Variants in ANKFN1 observed in about 807,000 individuals in gnomAD.
ANKFN1 encodes ankyrin repeat and fibronectin type III domain containing 1.
A neutral mutation model predicts 108.7 loss-of-function variants in ANKFN1; 74 were observed. The ratio of observed to expected loss-of-function variants is 0.68; its 90% CI spans 0.56 to 0.83. ANKFN1 has a LOEUF of 0.83. Ranked by LOEUF, ANKFN1 falls within the 40% of genes least tolerant of loss-of-function variation. The probability of loss-of-function intolerance (pLI) is 0.00; values close to 1 mark genes in which losing one functional copy is unlikely to be tolerated. For synonymous variants in ANKFN1, 547 were observed against 516.2 expected, an observed-to-expected ratio of 1.06 and a Z score of -0.81; for missense variants, 1,505 against 1,382.3, an observed-to-expected ratio of 1.09 and a Z score of -1.41.
chr17:56,508,868 C>A (rs1314677758), intron 20 of ANKFN1, among the ~76,000 whole-genome samples: 2 of 152,132 alleles, frequency 1.3e-5, no homozygotes, highest in African/African-American at 4.8e-5. Context: ...ACTCAAGCAC[C>A]AAGTACAGTG....
At chr17:56,105,711 C>CTGTGTGTGTGTGTGTG (rs147924842) in intron 4 of ANKFN1, among the ~76,000 whole-genome samples, 8 of 144,662 alleles carry the variant, frequency 5.5e-5, no homozygotes, top group African/African-American at 1.8e-4. Flanking sequence ...GTTTTTTTGT[C>CTGTGTGTGTGTGTGTG]TGTGTGTGTG....
At chr17:56,363,493 C>T (rs2046580018) in intron 6 of ANKFN1, among the ~76,000 whole-genome samples, 1 of 152,118 alleles carries the variant, frequency 6.6e-6, no homozygotes, top group African/African-American at 2.4e-5. Flanking sequence ...TTAGCACAGC[C>T]ATTATGAAAA....
At chr17:56,496,998 AT>A (rs1408093126) in intron 19 of ANKFN1, among the ~76,000 whole-genome samples, 1 of 152,128 alleles carries the variant, frequency 6.6e-6, no homozygotes, top group African/African-American at 2.4e-5. Context: ...TTAAACAGTC[AT>A]TTTTTGAGTA....
At chr17:56,196,098 C>A (rs143270929) in intron 1 of ANKFN1, among the ~76,000 whole-genome samples, 1,763 of 152,218 alleles carry the variant, frequency 0.012, 17 homozygotes, top group Middle Eastern at 0.024. Flanking sequence ...AAAACCACAT[C>A]TCTGCAAAAC....
chr17:56,440,789 A>T (rs949846907), intron 9 of ANKFN1, among the ~76,000 whole-genome samples: 9 of 152,046 alleles, frequency 5.9e-5, no homozygotes, highest in African/African-American at 2.2e-4. Context: ...TAACAGCTTC[A>T]TCTCACCCTC....
chr17:56,508,347 C>T (rs779046904), intron 20 of ANKFN1, among the ~76,000 whole-genome samples: 1 of 152,196 alleles, frequency 6.6e-6, no homozygotes, highest in African/African-American at 2.4e-5. Context: ...TTCCACCCTA[C>T]CTTTTTAAAA....
intron 8 of ANKFN1, among the ~76,000 whole-genome samples, chr17:56,424,412 T>C (rs1458462756): frequency 6.6e-6 from 1 of 152,208 alleles, no homozygotes; most frequent in Non-Finnish European, 1.5e-5. Flanking sequence ...CAGTGTGTGC[T>C]CTCAGTCTGG....
chr17:56,152,222 A>G, upstream of ANKFN1, among the ~76,000 whole-genome samples: 1 of 150,776 alleles, frequency 6.6e-6, no homozygotes, highest in East Asian at 2.0e-4. Flanking sequence ...GAGTAATATA[A>G]GAAGCTCACC....
intron 16 of ANKFN1, among the ~76,000 whole-genome samples, chr17:56,479,958 C>A (rs181038185): frequency 6.6e-6 from 1 of 152,368 alleles, no homozygotes; most frequent in East Asian, 1.9e-4. Context: ...TTTTGAAGAG[C>A]AGCCTTTGGG....
At chr17:56,301,848 G>A (rs537471045) in intron 3 of ANKFN1, among the ~76,000 whole-genome samples, 1 of 152,324 alleles carries the variant, frequency 6.6e-6, no homozygotes, top group East Asian at 1.9e-4. Flanking sequence ...CAACTGACAG[G>A]AAGTAGCCAG....
chr17:56,468,151 A>G (rs1268337527), intron 15 of ANKFN1, among the ~76,000 whole-genome samples: 1 of 152,226 alleles, frequency 6.6e-6, no homozygotes, highest in African/African-American at 2.4e-5. Context: ...CTGATTGCAA[A>G]TCAGGCTTCT....
intron 3 of ANKFN1, among the ~76,000 whole-genome samples, chr17:56,245,183 C>G (rs551595238): frequency 3.0e-4 from 45 of 152,208 alleles, no homozygotes; most frequent in African/African-American, 1.0e-3. Context: ...ATGTTATATG[C>G]CTTTCCACAC....
intron 4 of ANKFN1, among the ~76,000 whole-genome samples, chr17:56,061,957 C>A (rs1361936405): frequency 6.6e-6 from 1 of 152,154 alleles, no homozygotes; most frequent in Non-Finnish European, 1.5e-5. Context: ...TTTCAAAGAG[C>A]TTCTTGATTT....
chr17:56,184,117 C>G (rs903733865), intron 1 of ANKFN1, among the ~76,000 whole-genome samples: 1 of 152,174 alleles, frequency 6.6e-6, no homozygotes, highest in African/African-American at 2.4e-5. Context: ...AGGATTGACT[C>G]TTATTTTGAA....
At position 56,061,603 on chromosome 17, in the gene ANKFN1, G is replaced by A. The variant is rs145067921; in HGVS notation, c.288+15278G>A. 5.9e-3 allele frequency among the ~76,000 whole-genome samples: 891 copies of A among 152,124 alleles called. 6 individuals carry two copies. Among genetic ancestry groups the A allele is most frequent in the African/African-American group, 0.021 (858 of 41,506 alleles). On this transcript the variant is annotated intron_variant, in intron 4 of 12. Coordinates refer to the ANKFN1 transcript ENST00000635860. ...TTTGTATTTCTATGGGGTCAGTGGT[G>A]ACATCCCCTTCATCATTTTTTATTG...
At chr17:56,451,708 A>G (rs1176740133) in intron 11 of ANKFN1, among the ~76,000 whole-genome samples, 1 of 152,154 alleles carries the variant, frequency 6.6e-6, no homozygotes, top group African/African-American at 2.4e-5. Context: ...GGTGCATTAA[A>G]TTCACCTGAC....
At chr17:56,171,862 A>G (rs549482885) in intron 1 of ANKFN1, among the ~76,000 whole-genome samples, 1 of 152,338 alleles carries the variant, frequency 6.6e-6, no homozygotes, top group African/African-American at 2.4e-5. Flanking sequence ...ACTCCTAGCT[A>G]GCAGGGCTAG....
intron 4 of ANKFN1, among the ~76,000 whole-genome samples, chr17:56,064,303 T>A (rs1187805608): frequency 6.6e-6 from 1 of 152,234 alleles, no homozygotes; most frequent in African/African-American, 2.4e-5. Flanking sequence ...TCGTCTGGGC[T>A]GCCCATATTC....
chr17:56,203,125 ACT>A (rs1244162753), intron 1 of ANKFN1, among the ~76,000 whole-genome samples: 1 of 151,868 alleles, frequency 6.6e-6, no homozygotes, highest in East Asian at 1.9e-4. Context: ...TTTGATGAAT[ACT>A]CTCTCTCTTA....
Sources: allele counts gnomAD v4.1 joint callset (sites outside exome capture counted in the v4.1 genomes callset), GRCh38; gene constraint gnomAD v4.1.1; transcripts MANE v1.5; gene names NCBI Gene and HGNC (gene_info 2026-07-23, HGNC 2026-07-21).